HDAC9: variants seen among roughly 807,000 people sequenced by gnomAD.
The protein encoded by HDAC9 is MEF-2 interacting transcription repressor (MITR) protein.
In HDAC9, 41 loss-of-function variants were observed where a neutral mutation model predicts 139.4. That is an observed-to-expected ratio of 0.29 (90% CI 0.23 to 0.38). The LOEUF (loss-of-function observed/expected upper bound fraction) is 0.38, where lower values mean the gene tolerates loss of function less well. Among genes scored for constraint, HDAC9 ranks in the 10% least tolerant of loss-of-function variants. The pLI, the probability that HDAC9 is intolerant of heterozygous loss-of-function variation, is 1.00. For missense variants in HDAC9, 1,147 were observed against 1,297.0 expected (o/e 0.88, Z 1.78); for synonymous variants, 517 against 476.2 (o/e 1.09, Z -1.12).
At chr7:18,990,751 T>TGC (rs1785839513) in intron 25 of HDAC9, among the ~76,000 whole-genome samples, 1 of 152,232 alleles carries the variant, frequency 6.6e-6, no homozygotes, top group African/African-American at 2.4e-5. Flanking sequence ...AATCTCCTGG[T>TGC]GCGCCGTTTT....
chr7:18,378,552 A>G (rs971659144), intron 1 of HDAC9, among the ~76,000 whole-genome samples: 4 of 152,070 alleles, frequency 2.6e-5, no homozygotes, highest in African/African-American at 9.7e-5. Flanking sequence ...ACAGAAAGTC[A>G]AATTTTAGTA....
chr7:18,243,783 T>G (rs937027421), intron 2 of HDAC9, among the ~76,000 whole-genome samples: 15 of 152,222 alleles, frequency 9.9e-5, no homozygotes, highest in African/African-American at 3.4e-4. Context: ...TTTATTTTAT[T>G]TTTCTATCTG....
At chr7:18,292,551 G>A (rs1051071585) in intron 1 of HDAC9, among the ~76,000 whole-genome samples, 3 of 152,220 alleles carry the variant, frequency 2.0e-5, no homozygotes, top group East Asian at 1.9e-4. Context: ...ATACAGAGGC[G>A]GGTGGGGATG....
chr7:18,530,326 C>T (rs947794451), intron 2 of HDAC9, among the ~76,000 whole-genome samples: 5 of 152,096 alleles, frequency 3.3e-5, no homozygotes, highest in South Asian at 4.2e-4. Context: ...AAAACAATGT[C>T]GTTAACACTT....
intron 2 of HDAC9, among the ~76,000 whole-genome samples, chr7:18,163,566 A>G (rs779376916): frequency 6.6e-6 from 1 of 152,142 alleles, no homozygotes; most frequent in African/African-American, 2.4e-5. Flanking sequence ...TGGGGACCAC[A>G]CTTTGGGAAT....
At chr7:18,099,619 T>C (rs1782720107) in intron 1 of HDAC9, among the ~76,000 whole-genome samples, 1 of 152,210 alleles carries the variant, frequency 6.6e-6, no homozygotes, top group African/African-American at 2.4e-5. Flanking sequence ...ACTTATATTT[T>C]CAAAAGTATA....
At chr7:18,667,615 A>G (rs1003100606) in intron 12 of HDAC9, 6 of 985,184 alleles carry the variant, frequency 6.1e-6, no homozygotes, top group Non-Finnish European at 7.2e-6. Flanking sequence ...CTGTTCTCCT[A>G]CAGAAAAGTG....
chr7:18,903,677 C>T (rs991711850), intron 22 of HDAC9, among the ~76,000 whole-genome samples: 4 of 152,204 alleles, frequency 2.6e-5, no homozygotes, highest in African/African-American at 9.7e-5. Context: ...TCCTCACTAT[C>T]TTTCTGACAA....
intron 8 of HDAC9, among the ~76,000 whole-genome samples, chr7:18,642,255 T>C (rs535128838): frequency 8.7e-4 from 127 of 145,290 alleles, no homozygotes; most frequent in African/African-American, 3.3e-3. Context: ...GGAGCTTTTT[T>C]CTTGTGCCAA....
intron 2 of HDAC9, among the ~76,000 whole-genome samples, chr7:18,565,848 A>ATTTT (rs35924732): frequency 6.8e-6 from 1 of 146,124 alleles, no homozygotes; most frequent in Non-Finnish European, 1.5e-5. Flanking sequence ...AATGTGGATA[A>ATTTT]TTTTTTTTTT....
intron 21 of HDAC9, among the ~76,000 whole-genome samples, chr7:18,840,597 G>T (rs568351148): frequency 1.3e-5 from 2 of 152,046 alleles, no homozygotes; most frequent in South Asian, 4.2e-4. Context: ...CTAAATTTAG[G>T]CATTACTAAA....
intron 24 of HDAC9, among the ~76,000 whole-genome samples, chr7:18,968,551 C>CT (rs1784035952): frequency 6.6e-6 from 1 of 151,976 alleles, no homozygotes; most frequent in Non-Finnish European, 1.5e-5. Context: ...AAATGAGTAC[C>CT]GCAGATTCCA....
chr7:18,823,649 C>A (rs930456213), intron 17 of HDAC9, among the ~76,000 whole-genome samples: 5 of 152,066 alleles, frequency 3.3e-5, no homozygotes, highest in African/African-American at 1.2e-4. Context: ...CACATGCGGT[C>A]TTAAGGTCCC....
In HDAC9 at chr7:18,767,123, T is replaced by C. The variant is rs756899575; in HGVS notation, c.2182T>C (p.Phe728Leu). 1.9e-6 allele frequency: 3 copies of C among 1,574,218 alleles called. No homozygotes were observed. Among genetic ancestry groups the C allele is most frequent in the Admixed American group, 1.8e-5 (1 of 56,378 alleles). ...CTGTATAGGTGATGACTCTCAAAAG[T>C]TTTTTTCCTCATTACCTTGTGGTGG... The part of the protein sequence containing the change: ...RILLGDDSQK[F>L]FSSLPCGGLG... The change falls in exon 16 of 26, where the codon TTT becomes CTT. Residue 728 changes from phenylalanine to leucine, a missense_variant. Coordinates refer to ENST00000686413, the MANE Select transcript of HDAC9 (RefSeq NM_178425.4).
intron 1 of HDAC9, among the ~76,000 whole-genome samples, chr7:18,418,770 GT>G (rs1013946649): frequency 6.6e-6 from 1 of 151,450 alleles, no homozygotes; most frequent in Non-Finnish European, 1.5e-5. Context: ...TAAGAGTTTT[GT>G]TTTTTTTCTT....
At chr7:18,782,382 CT>C (rs1791320291) in intron 16 of HDAC9, among the ~76,000 whole-genome samples, 1 of 152,092 alleles carries the variant, frequency 6.6e-6, no homozygotes, top group Non-Finnish European at 1.5e-5. Context: ...AATTCCTTTT[CT>C]TTTAAGTCAT....
At chr7:18,885,595 C>T (rs1446432406) in intron 22 of HDAC9, among the ~76,000 whole-genome samples, 2 of 152,018 alleles carry the variant, frequency 1.3e-5, no homozygotes, top group Admixed American at 6.6e-5. Context: ...CTAACAAAAC[C>T]ACAACCAGAT....
intron 13 of HDAC9, among the ~76,000 whole-genome samples, chr7:18,731,197 G>A (rs1432542617): frequency 1.3e-5 from 2 of 152,130 alleles, no homozygotes; most frequent in African/African-American, 4.8e-5. Context: ...AGTTGAAACT[G>A]TAGAAAGAGA....
intron 2 of HDAC9, among the ~76,000 whole-genome samples, chr7:18,169,198 A>G (rs906476885): frequency 1.3e-5 from 2 of 152,092 alleles, no homozygotes; most frequent in Admixed American, 6.6e-5. Flanking sequence ...CGGCCTCCCA[A>G]AGTGCTGGGA....
Sources: gnomAD v4.1 joint callset for allele counts (sites outside exome capture counted in the v4.1 genomes callset) on GRCh38, gnomAD v4.1.1 for gene constraint, MANE v1.5 for transcripts, NCBI Gene and HGNC (gene_info 2026-07-23, HGNC 2026-07-21) for gene names.